Variants in TAF1C observed in about 807,000 individuals in gnomAD.
TAF1C encodes TATA-box binding protein associated factor, RNA polymerase I subunit C.
TAF1C carries 79 observed loss-of-function variants against 70.5 expected under a neutral mutation model. The ratio of observed to expected loss-of-function variants is 1.12; its 90% CI spans 0.93 to 1.35. The LOEUF (loss-of-function observed/expected upper bound fraction) is 1.35, where lower values mean the gene tolerates loss of function less well. TAF1C is among the 40% of genes most tolerant of loss of function. The pLI is 0.00. For synonymous variants in TAF1C, 614 were observed against 491.1 expected (o/e 1.25, Z -3.31); for missense variants, 1,412 against 1,127.8 (o/e 1.25, Z -3.61).
intron 1 of TAF1C, among the ~76,000 whole-genome samples, chr16:84,186,341 G>A (rs1011667540): frequency 6.6e-6 from 1 of 152,198 alleles, no homozygotes; most frequent in East Asian, 1.9e-4. Flanking sequence ...ATCACCTGAG[G>A]CCAGAAGTTT....
Position 84,183,281 on chromosome 16 carries a change from T to G in TAF1C, c.371A>C (p.Lys124Thr), listed in dbSNP as rs545040471. Reference sequence around the variant, plus strand: ...CAGCTTGAAATTCTCCAGCATCAGCTTCCCCAGGGGCGCAAAGGCTACGTC... The same window carrying G: ...CAGCTTGAAATTCTCCAGCATCAGCGTCCCCAGGGGCGCAAAGGCTACGTC... ...HGDVAFAPLG[K>T]LMLENFKLEG... Residue 124 changes from lysine (K) to threonine (T), a missense_variant, in exon 5 of 15, where the codon AAG becomes ACG. Physicochemically the swap from Lys to Thr is moderately conservative, Grantham distance 78 (BLOSUM62 -1). Transcript: ENST00000566732. The G allele has an allele frequency of 5.6e-6, 9 of 1,613,948 alleles. No individual in the cohort carries two copies. In the African/African-American group the frequency reaches 8.0e-5, roughly 14 times the overall value.
In TAF1C at chr16:84,183,797, C is replaced by T; in HGVS notation, c.139-19G>A. The T allele has an allele frequency of 6.3e-7, 1 of 1,598,348 alleles. No individual in the cohort carries two copies. The highest frequency in any genetic ancestry group is 8.6e-7 in the Non-Finnish European group (1 of 1,168,606). ...CCCCATTCTGAAGGGAGGACAATCG[C>T]AAGGACAGTATCATGATGAATGCCC... is the stretch of plus-strand genomic sequence containing the variant. On this transcript the variant is annotated intron_variant, in intron 2 of 14. Transcript: ENST00000566732.
intron 3 of TAF1C, 28 bp downstream of exon 3, chr16:84,183,669 A>G (rs2089330941): frequency 6.3e-7 from 1 of 1,599,316 alleles, no homozygotes; most frequent in Admixed American, 1.7e-5. Flanking sequence ...AGCAGTGTGG[A>G]GTGAGCCCGG....
At position 84,182,248 on chromosome 16, in the gene TAF1C, CTGGGG is replaced by C; in HGVS notation, c.670_674del (p.Pro224ValfsTer26). 2 of 1,613,030 alleles carry C rather than the reference CTGGGG, an allele frequency of 1.2e-6. No individual in the cohort carries two copies. Among genetic ancestry groups the C allele is most frequent in the Non-Finnish European group, 1.7e-6 (2 of 1,179,954 alleles). On this transcript the variant is annotated frameshift_variant, in exon 7 of 15. Coordinates refer to ENST00000566732, the MANE Select transcript of TAF1C (RefSeq NM_001243156.2). LOFTEE classifies it high-confidence loss of function. This position sits in a 1 kb window ranked among gnomAD's most constrained non-coding sequence, Gnocchi z 5.0. ...CAGCAGGGTAGACCAGCTGCCCGAA[CTGGGG>C]TGTCCTTCCAGGAACCCAGGCCAGC...
chr16:84,179,873 A>T (rs2089026044), intron 14 of TAF1C, 22 bp from the exon 15 acceptor site: 1 of 1,606,746 alleles, frequency 6.2e-7, no homozygotes, highest in Admixed American at 1.7e-5. Context: ...AATGACAATG[A>T]CCTCCAGGGC....
chr16:84,180,743 G>A lies in TAF1C; in HGVS notation c.1308+300C>T, dbSNP rs1206388526. Reference sequence around the variant, plus strand: ...TGCTTCCTCAGAGCCCCCGCCTCCTGCACAGCAGAAACTCTCCAGCTCTGC... The same window carrying A: ...TGCTTCCTCAGAGCCCCCGCCTCCTACACAGCAGAAACTCTCCAGCTCTGC... On this transcript the variant is annotated intron_variant, in intron 12 of 14. Coordinates refer to ENST00000566732, the MANE Select transcript of TAF1C (RefSeq NM_001243156.2). The A allele has an allele frequency of 5.7e-6, 7 of 1,235,778 alleles. No individual in the cohort carries two copies. In the East Asian group the frequency reaches 9.5e-5, roughly 17 times the overall value. 76.6% of individuals were successfully genotyped at this position (1,235,778 alleles called of 1,614,324 possible).
intron 12 of TAF1C, 67 bp downstream of exon 12, chr16:84,180,976 C>T (rs949767037): frequency 3.3e-6 from 5 of 1,521,756 alleles, no homozygotes; most frequent in African/African-American, 1.4e-5. Context: ...CGCTGGTAAG[C>T]AGCAGCCTCT....
In TAF1C at chr16:84,183,726, C is replaced by A. The variant is rs770132969; in HGVS notation, c.191G>T (p.Gly64Val). The A allele has an allele frequency of 3.1e-6, 5 of 1,612,952 alleles. No individual in the cohort carries two copies. The South Asian group carries it at 5.5e-5, about 18-fold the overall frequency. Residue 64 changes from glycine to valine, a missense_variant, in exon 3 of 15, where the codon GGG (glycine) becomes GTG (valine). Transcript: ENST00000566732. ...KDLLWEPATP[G>V]PLPMLPPLID... Reference sequence around the variant, plus strand: ...GAGGGGAGGCAGCATGGGGAGAGGCCCAGGGGTTGCCGGCTCCCACAGCAG... The same window carrying A: ...GAGGGGAGGCAGCATGGGGAGAGGCACAGGGGTTGCCGGCTCCCACAGCAG...
intron 12 of TAF1C, 183 bp downstream of exon 12, chr16:84,180,860 C>G: frequency 1.4e-6 from 2 of 1,412,950 alleles, no homozygotes; most frequent in Non-Finnish European, 1.8e-6. Context: ...GAGAGCTTCC[C>G]CACCTGCCTG....
At position 84,184,890 on chromosome 16, in the gene TAF1C, G is replaced by T; in HGVS notation, c.99C>A (p.Asp33Glu). The T allele has an allele frequency of 6.2e-7, 1 of 1,611,918 alleles. No homozygotes were observed. Residue 33 changes from aspartate (D) to glutamate (E), a missense_variant, in exon 2 of 15, where the codon GAC (aspartate) becomes GAA (glutamate). Physicochemically the swap from Asp to Glu is conservative, Grantham distance 45. Coordinates refer to ENST00000566732, the MANE Select transcript of TAF1C (RefSeq NM_001243156.2). Reference protein sequence around the residue: ...PDLSFMCSWRDALTLPEAQPQ... With the variant: ...PDLSFMCSWREALTLPEAQPQ... ...GCTGGGCCTCTGGCAGAGTCAGTGC[G>T]TCTCGCCAGCTGCACATGAAAGAGA...
rs1456047825 is a variant in TAF1C at position 84,183,395 on chromosome 16, C to CT, written c.318+14_318+15insA. 4 of 1,612,920 alleles carry CT rather than the reference C, an allele frequency of 2.5e-6. No individual in the cohort carries two copies. Among genetic ancestry groups the CT allele is most frequent in the Non-Finnish European group, 3.4e-6 (4 of 1,179,528 alleles). ...CTCCAGGCTACGCAGCACTGTCCCC[C>CT]GTGGGCCCACTCACCTGCTCAGTCA... On this transcript the variant is annotated intron_variant, in intron 4 of 14. Transcript: ENST00000566732.
Position 84,183,766 on chromosome 16 carries a change from G to A in TAF1C, c.151C>T (p.His51Tyr), listed in dbSNP as rs2089337347. 1 of 1,611,910 alleles carries A rather than the reference G, an allele frequency of 6.2e-7. No homozygotes were observed. Among genetic ancestry groups the A allele is most frequent in the Non-Finnish European group, 8.5e-7 (1 of 1,178,410 alleles). Reference sequence around the variant, plus strand: ...TCCCACAGCAGGTCCTTGGTCACATGCAGTGCCCCATTCTGAAGGGAGGAC... The same window carrying A: ...TCCCACAGCAGGTCCTTGGTCACATACAGTGCCCCATTCTGAAGGGAGGAC... ...QPQNSENGAL[H>Y]VTKDLLWEPA... is the part of the protein sequence containing the mutation. The change falls in exon 3 of 15, where the codon CAT becomes TAT. Residue 51 changes from histidine to tyrosine, a missense_variant. By Grantham distance (83) the His-to-Tyr change is moderately conservative. Transcript: ENST00000566732.
chr16:84,183,068 C>G lies in TAF1C; in HGVS notation c.482+8G>C. 1 of 1,614,092 alleles carries G rather than the reference C, an allele frequency of 6.2e-7. No homozygotes were observed. The highest frequency in any genetic ancestry group is 8.5e-7 in the Non-Finnish European group (1 of 1,179,992). ...TATCCATCTCCTCCTTTCTCATCAGCCACTTGCCCCCAGGGCTGGTGTCCA... is the reference window on the plus strand; with the variant it reads ...TATCCATCTCCTCCTTTCTCATCAGGCACTTGCCCCCAGGGCTGGTGTCCA... On this transcript the variant is annotated splice_region_variant and intron_variant, in intron 6 of 14. Transcript: ENST00000566732.
Position 84,179,851 on chromosome 16 carries a change from C to G in TAF1C, c.1622G>C (p.Gly541Ala), listed in dbSNP as rs2089023575. 1 of 1,606,614 alleles carries G rather than the reference C, an allele frequency of 6.2e-7. No homozygotes were observed. Among genetic ancestry groups the G allele is most frequent in the African/African-American group, 1.3e-5 (1 of 74,776 alleles). ...LQERLKAPTI[G>A]LAAVVPPLPS... ...CAAGGGCGGGACGACGGCAGCCAGA[C>G]CTGGTGACGGGAATGACAATGACCT... Residue 541 changes from glycine (G) to alanine (A), a missense_variant and splice_region_variant, in exon 15 of 15, where the codon GGT becomes GCT. Coordinates refer to ENST00000566732, the MANE Select transcript of TAF1C (RefSeq NM_001243156.2).
chr16:84,180,614 A>C (rs1033890914), intron 12 of TAF1C: 2 of 586,242 alleles, frequency 3.4e-6, no homozygotes, highest in Non-Finnish European at 5.6e-6. Context: ...TGCCAGCAGA[A>C]ACCTGCCTGG....
rs773238915 is a variant in TAF1C at position 84,179,766 on chromosome 16, G to A, written c.1707C>T (p.Phe569=). The A allele has an allele frequency of 1.9e-6, 3 of 1,610,044 alleles. No individual in the cohort carries two copies. The highest frequency in any genetic ancestry group is 3.4e-5 in the Admixed American group (2 of 59,600). Reference sequence around the variant, plus strand: ...CCACCTGGGGGCGGAGCTGCTGGTAGAAGACATCTCCCGCCGCCGAGAGCT... The same window carrying A: ...CCACCTGGGGGCGGAGCTGCTGGTAAAAGACATCTCCCGCCGCCGAGAGCT... The part of the protein sequence containing the change: ...LFQLSAAGDV[F]YQQLRPQVDS... The change falls in exon 15 of 15, where the codon TTC becomes TTT. Residue 569 remains phenylalanine, a synonymous_variant. Coordinates refer to ENST00000566732, the MANE Select transcript of TAF1C (RefSeq NM_001243156.2).
rs145873152 is a variant in TAF1C, at chr16:84,184,736, A to C, written c.138+115T>G. On this transcript the variant is annotated intron_variant, in intron 2 of 14. Coordinates refer to ENST00000566732, the MANE Select transcript of TAF1C (RefSeq NM_001243156.2). ...GAGGTGGCAGAGCCTGTGTCTCAGC[A>C]GACTCGTGTGAATGCCACCACTCTG... 1.4e-4 allele frequency: 189 copies of C among 1,340,122 alleles called. 1 individual carries two copies. In the East Asian group the frequency reaches 4.8e-3, roughly 34 times the overall value. 83.0% of individuals were successfully genotyped at this position (1,340,122 alleles called of 1,614,324 possible).
Position 84,179,721 on chromosome 16 carries a change from A to G in TAF1C, c.1752T>C (p.Asp584=), listed in dbSNP as rs1204814488. 3 of 1,612,168 alleles carry G rather than the reference A, an allele frequency of 1.9e-6. No homozygotes were observed. The African/African-American group carries it at 4.0e-5, about 22-fold the overall frequency. ...RPQVDSSLRR[D]AGPPGDTQPD... ...GTTGGGTGTCGCCAGGAGGCCCAGC[A>G]TCTCTGCGGAGGCTGGAGTCCACCT... Residue 584 remains aspartate (D), a synonymous_variant, in exon 15 of 15, where the codon GAT becomes GAC. Coordinates refer to ENST00000566732, the MANE Select transcript of TAF1C (RefSeq NM_001243156.2).
In TAF1C at chr16:84,180,424, C is replaced by T. The variant is rs1179952280; in HGVS notation, c.1309-80G>A. The T allele has an allele frequency of 9.1e-6, 13 of 1,434,578 alleles. No individual in the cohort carries two copies. The East Asian group carries it at 2.8e-4, about 31-fold the overall frequency. 88.9% of individuals were successfully genotyped at this position (1,434,578 alleles called of 1,614,324 possible). A position where few individuals can be genotyped will look rare whatever the true frequency, so the allele number is the denominator to read the frequency against. On this transcript the variant is annotated intron_variant, in intron 12 of 14. Transcript: ENST00000566732. The stretch of plus-strand genomic sequence containing the variant: ...GTGGCCCTCCAGGCCCCATGTGGCT[C>T]TCCAGGTGAGTGCAGAGCCCTGAGG...
Sources: gnomAD v4.1 joint callset for allele counts (sites outside exome capture counted in the v4.1 genomes callset) on GRCh38, gnomAD v4.1.1 for gene constraint, Gnocchi (gnomAD v3.1) non-coding constraint, MANE v1.5 for transcripts, NCBI Gene and HGNC (gene_info 2026-07-23, HGNC 2026-07-21) for gene names.